The following RBFOX1 variants were observed in gnomAD, a reference collection of about 807,000 sequenced individuals.
RBFOX1 encodes the protein RNA binding protein fox-1 homolog 1.
RBFOX1 carries 8 observed loss-of-function variants against 57.7 expected under a neutral mutation model. That is an observed-to-expected ratio of 0.14 (90% CI 0.08 to 0.25). The LOEUF is 0.25. Ranked by LOEUF, RBFOX1 falls within the 10% of genes least tolerant of loss-of-function variation. The pLI, the probability that RBFOX1 is intolerant of heterozygous loss-of-function variation, is 1.00. For synonymous variants in RBFOX1, 326 were observed against 222.4 expected (o/e 1.47, Z -4.15); for missense variants, 611 against 548.5 (o/e 1.11, Z -1.14).
intron 5 of RBFOX1, among the ~76,000 whole-genome samples, chr16:7,565,692 T>C (rs2091502911): frequency 6.6e-6 from 1 of 152,200 alleles, no homozygotes; most frequent in Non-Finnish European, 1.5e-5. Flanking sequence ...AAATAATGCC[T>C]CGAAGACACT....
At chr16:6,329,615 T>C (rs2082766646) in intron 2 of RBFOX1, among the ~76,000 whole-genome samples, 1 of 152,130 alleles carries the variant, frequency 6.6e-6, no homozygotes, top group African/African-American at 2.4e-5. Context: ...GTCTGGGTTA[T>C]ATTTACAACT....
chr16:7,040,700 T>A (rs35181239), intron 3 of RBFOX1, among the ~76,000 whole-genome samples: 14,296 of 152,102 alleles, frequency 0.094, 1,127 homozygotes, highest in East Asian at 0.32. Flanking sequence ...GTGCATAGTT[T>A]TTTATACACA....
chr16:7,454,493 T>C (rs1016628256), intron 4 of RBFOX1, among the ~76,000 whole-genome samples: 3 of 152,204 alleles, frequency 2.0e-5, no homozygotes, highest in Admixed American at 6.5e-5. Context: ...ATTATAGATA[T>C]GATCAAGTTG....
At chr16:5,517,847 TAC>T (rs60932835) in intron 2 of RBFOX1, among the ~76,000 whole-genome samples, 256 of 150,626 alleles carry the variant, frequency 1.7e-3, no homozygotes, top group African/African-American at 5.9e-3. Flanking sequence ...CATATATGTA[TAC>T]ACACACACAC....
intron 1 of RBFOX1, among the ~76,000 whole-genome samples, chr16:5,424,152 A>G (rs1402508826): frequency 6.6e-6 from 1 of 152,202 alleles, no homozygotes; most frequent in East Asian, 1.9e-4. Context: ...TAAACTAAAG[A>G]GCTGGAGAGT....
chr16:5,351,506 G>T (rs1185585315), intron 1 of RBFOX1, among the ~76,000 whole-genome samples: 1 of 152,182 alleles, frequency 6.6e-6, no homozygotes, highest in Non-Finnish European at 1.5e-5. Flanking sequence ...TGGGTCTCAG[G>T]AGGAGGGTCA....
At chr16:7,246,397 A>AT (rs1282278713) in intron 4 of RBFOX1, among the ~76,000 whole-genome samples, 1 of 152,088 alleles carries the variant, frequency 6.6e-6, no homozygotes, top group African/African-American at 2.4e-5. Flanking sequence ...GATAACCCGA[A>AT]TGTTTTCCTC....
At chr16:6,372,724 T>C (rs1328206480) in intron 2 of RBFOX1, among the ~76,000 whole-genome samples, 2 of 151,004 alleles carry the variant, frequency 1.3e-5, no homozygotes, top group Non-Finnish European at 3.0e-5. Flanking sequence ...GGAATGGAGA[T>C]TGGGTGGAAG....
intron 3 of RBFOX1, among the ~76,000 whole-genome samples, chr16:6,798,435 G>C (rs931780462): frequency 1.3e-5 from 2 of 152,190 alleles, no homozygotes; most frequent in African/African-American, 4.8e-5. Flanking sequence ...GATAGGGAGA[G>C]ACAGAGAGCT....
At chr16:6,153,537 T>A (rs2096815613) in intron 1 of RBFOX1, among the ~76,000 whole-genome samples, 2 of 149,304 alleles carry the variant, frequency 1.3e-5, no homozygotes, top group South Asian at 4.2e-4. Flanking sequence ...CCATTGTACG[T>A]TTTTTTTTTC....
chr16:6,600,291 C>G (rs988868716), intron 2 of RBFOX1, among the ~76,000 whole-genome samples: 1 of 152,154 alleles, frequency 6.6e-6, no homozygotes, highest in Non-Finnish European at 1.5e-5. Flanking sequence ...ACCTGGTTCT[C>G]TCTCCTCCCC....
At chr16:6,565,766 C>T (rs1456808433) in intron 2 of RBFOX1, among the ~76,000 whole-genome samples, 1 of 152,216 alleles carries the variant, frequency 6.6e-6, no homozygotes, top group African/African-American at 2.4e-5. Flanking sequence ...CTGCACCCAG[C>T]TCACTTTTTC....
intron 4 of RBFOX1, among the ~76,000 whole-genome samples, chr16:7,491,194 C>T (rs978205390): frequency 6.6e-6 from 1 of 152,114 alleles, no homozygotes; most frequent in African/African-American, 2.4e-5. Flanking sequence ...CCCACTTACC[C>T]ATCTTTGCTT....
intron 3 of RBFOX1, among the ~76,000 whole-genome samples, chr16:6,903,632 G>A (rs887928647): frequency 6.6e-6 from 1 of 152,048 alleles, no homozygotes; most frequent in Non-Finnish European, 1.5e-5. Flanking sequence ...ATGCTCCTGG[G>A]GACTGTCCTT....
At chr16:6,142,188 G>GAAA (rs2096721957) in intron 1 of RBFOX1, among the ~76,000 whole-genome samples, 1 of 25,856 alleles carries the variant, frequency 3.9e-5, no homozygotes, top group Non-Finnish European at 8.2e-5. Flanking sequence ...TGCTGCTGCT[G>GAAA]CAAAAAAAAA....
chr16:6,969,431 C>G (rs9922641), intron 3 of RBFOX1, among the ~76,000 whole-genome samples: 119,913 of 151,838 alleles, frequency 0.79, 47,691 homozygotes, highest in African/African-American at 0.9. Flanking sequence ...TGATTTTGTA[C>G]AACATTACAT....
Position 7,379,351 on chromosome 16 carries a change from G to A in RBFOX1, c.28-138796G>A, listed in dbSNP as rs1039743246. On this transcript the variant is annotated intron_variant, in intron 4 of 15. Transcript: ENST00000550418. Reference sequence around the variant, plus strand: ...ATAATAACAGTATTATCTGATGGAGGAGACAAAAATACTTCAGTAATAGCC... The same window carrying A: ...ATAATAACAGTATTATCTGATGGAGAAGACAAAAATACTTCAGTAATAGCC... Among the ~76,000 whole-genome samples the A allele has an allele frequency of 2.6e-5, 4 of 152,148 alleles. 1 individual carries two copies. The highest frequency in any genetic ancestry group is 7.2e-5 in the African/African-American group (3 of 41,430).
At chr16:6,573,665 T>G (rs142022099) in intron 2 of RBFOX1, 3 of 152,370 alleles carry the variant, frequency 2.0e-5, no homozygotes, top group Non-Finnish European at 2.9e-5. Flanking sequence ...AGCACGGGGC[T>G]GCTGTCTGCT....
chr16:5,570,811 G>A (rs932645724), intron 2 of RBFOX1, among the ~76,000 whole-genome samples: 8 of 145,810 alleles, frequency 5.5e-5, no homozygotes, highest in African/African-American at 7.6e-5. Flanking sequence ...CCGTACTCCA[G>A]TCTGGGCAAC....
Sources: gnomAD v4.1 joint callset for allele counts (sites outside exome capture counted in the v4.1 genomes callset) on GRCh38, gnomAD v4.1.1 for gene constraint, MANE v1.5 for transcripts, NCBI Gene and HGNC (gene_info 2026-07-23, HGNC 2026-07-21) for gene names.